CCR9: variants seen among roughly 807,000 people sequenced by gnomAD.
CCR9 encodes the protein C-C motif chemokine receptor 9.
In CCR9, 4 loss-of-function variants were observed where a neutral mutation model predicts 8.7. That is an observed-to-expected ratio of 0.46 (90% CI 0.23 to 1.06). The LOEUF is 1.06. Ranked by LOEUF, CCR9 falls within the 50% of genes least tolerant of loss-of-function variation. The pLI, the probability that CCR9 is intolerant of heterozygous loss-of-function variation, is 0.21. For missense variants in CCR9, 394 were observed against 453.6 expected (o/e 0.87, Z 1.19); for synonymous variants, 159 against 168.8 (o/e 0.94, Z 0.45).
At position 45,901,970 on chromosome 3, in the gene CCR9, G is replaced by C; in HGVS notation, c.*72G>C. On this transcript the variant is annotated 3_prime_UTR_variant, in exon 3 of 3. Coordinates refer to ENST00000357632, the MANE Select transcript of CCR9 (RefSeq NM_031200.3). This position sits in a 1 kb window ranked among gnomAD's most constrained non-coding sequence, Gnocchi z 4.3. ...ACAGAAACAGTTTCCCCACTGATGG[G>C]ACCAGAGAGAGTGAAAGAGAAAAGA... The C allele has an allele frequency of 1.6e-6, 2 of 1,236,202 alleles. No homozygotes were observed. The highest frequency in any genetic ancestry group is 2.0e-4 in the Middle Eastern group (1 of 4,946). 76.6% of individuals were successfully genotyped at this position (1,236,202 alleles called of 1,614,324 possible). A position where few individuals can be genotyped will look rare whatever the true frequency, so the allele number is the denominator to read the frequency against.
chr3:45,902,028 A>T lies in CCR9; in HGVS notation c.*130A>T. 1.3e-6 allele frequency: 1 copy of T among 785,434 alleles called. No homozygotes were observed. Among genetic ancestry groups the T allele is most frequent in the South Asian group, 2.1e-5 (1 of 47,360 alleles). The allele number at this position is 785,434 out of a possible 1,614,324, so 48.7% of individuals were successfully genotyped here. On this transcript the variant is annotated 3_prime_UTR_variant, in exon 3 of 3. Coordinates refer to ENST00000357632, the MANE Select transcript of CCR9 (RefSeq NM_031200.3). Reference sequence around the variant, plus strand: ...GAAAGGGATGAATCTGAACTATATGATTACTTGTAGTCAGAATTTGCCAAA... The same window carrying T: ...GAAAGGGATGAATCTGAACTATATGTTTACTTGTAGTCAGAATTTGCCAAA...
intron 2 of CCR9, among the ~76,000 whole-genome samples, chr3:45,899,920 T>A (rs1022309564): frequency 6.6e-6 from 1 of 152,104 alleles, no homozygotes; most frequent in Admixed American, 6.5e-5. Context: ...GTAAGAAGTG[T>A]GTGTGTGTAT....
chr3:45,888,259 G>T (rs763447753), intron 1 of CCR9, among the ~76,000 whole-genome samples: 2 of 152,132 alleles, frequency 1.3e-5, no homozygotes, highest in Non-Finnish European at 2.9e-5. Flanking sequence ...CTGGAGCAAT[G>T]TTCCCTCCCC....
At position 45,900,259 on chromosome 3, in the gene CCR9, G is replaced by GTGTGTA. The variant is rs562893191; in HGVS notation, c.22-540_22-535dup. 3.9e-4 allele frequency among the ~76,000 whole-genome samples: 60 copies of GTGTGTA among 152,300 alleles called. No homozygotes were observed. The highest frequency in any genetic ancestry group is 1.4e-3 in the African/African-American group (59 of 41,582). ...TGTATGTAGGGTTGAGAGTGTCTGT[G>GTGTGTA]TGTGTATGTGTATGTGCATGTGTAT... On this transcript the variant is annotated intron_variant, in intron 2 of 2. Coordinates refer to ENST00000357632, the MANE Select transcript of CCR9 (RefSeq NM_031200.3). This position sits in a 1 kb window ranked among gnomAD's most constrained non-coding sequence, Gnocchi z 4.7.
rs1702257123 is a variant in CCR9 at position 45,893,534 on chromosome 3, AG to A, written c.-28-1371del. Among the ~76,000 whole-genome samples the A allele has an allele frequency of 5.9e-5, 9 of 152,348 alleles. 1 individual carries two copies. The highest frequency in any genetic ancestry group is 5.9e-4 in the Admixed American group (9 of 15,302). On this transcript the variant is annotated intron_variant, in intron 1 of 2. Coordinates refer to ENST00000357632, the MANE Select transcript of CCR9 (RefSeq NM_031200.3). Reference sequence around the variant, plus strand: ...CAGTATAGATTAGTTTGCATTATTTAGAGTTTTATACAAGTGAAATCATACA... The same window carrying A: ...CAGTATAGATTAGTTTGCATTATTTAAGTTTTATACAAGTGAAATCATACA...
intron 2 of CCR9, among the ~76,000 whole-genome samples, chr3:45,898,778 A>G (rs1419724212): frequency 6.6e-6 from 1 of 152,262 alleles, no homozygotes; most frequent in East Asian, 1.9e-4. Context: ...AACAGGTTCT[A>G]TGTTCCAATA....
chr3:45,887,885 GA>G (rs1318998800), intron 1 of CCR9, among the ~76,000 whole-genome samples: 1 of 151,340 alleles, frequency 6.6e-6, no homozygotes, highest in Non-Finnish European at 1.5e-5. Flanking sequence ...GCAGAGCTAT[GA>G]AAAAATGTAA....
intron 2 of CCR9, 189 bp downstream of exon 2, chr3:45,895,143 G>C: frequency 1.6e-6 from 1 of 637,002 alleles, no homozygotes; most frequent in South Asian, 1.9e-5. Context: ...AATGCAAAGA[G>C]GCAGCTATGC....
intron 2 of CCR9, among the ~76,000 whole-genome samples, chr3:45,896,660 C>A (rs1483606468): frequency 6.6e-6 from 1 of 152,194 alleles, no homozygotes; most frequent in Non-Finnish European, 1.5e-5. Flanking sequence ...GGGTGAATGT[C>A]AAAGCACTGA....
chr3:45,888,096 G>A (rs569690710), intron 1 of CCR9, among the ~76,000 whole-genome samples: 2 of 152,294 alleles, frequency 1.3e-5, no homozygotes, highest in South Asian at 4.1e-4. Context: ...CAAAAATAGT[G>A]ATTGGATAAT....
chr3:45,899,041 C>T (rs1484533207), intron 2 of CCR9, among the ~76,000 whole-genome samples: 2 of 152,184 alleles, frequency 1.3e-5, no homozygotes, highest in African/African-American at 4.8e-5. Flanking sequence ...TGGCACACGC[C>T]TGTAATCCCA....
chr3:45,895,435 G>A (rs947555480), intron 2 of CCR9, among the ~76,000 whole-genome samples: 1 of 152,212 alleles, frequency 6.6e-6, no homozygotes, highest in Non-Finnish European at 1.5e-5. Context: ...GTCAGTCTGG[G>A]CGTGGTAGCT....
intron 1 of CCR9, among the ~76,000 whole-genome samples, chr3:45,892,096 G>C (rs1702196386): frequency 6.6e-6 from 1 of 152,084 alleles, no homozygotes; most frequent in South Asian, 2.1e-4. Flanking sequence ...CCAAGATCAG[G>C]GCACTAGGTG....
intron 2 of CCR9, chr3:45,897,497 G>A: frequency 9.6e-7 from 1 of 1,037,564 alleles, no homozygotes; most frequent in South Asian, 1.4e-5. Context: ...ACCGGGCAGT[G>A]GAGAAAGCTG....
In CCR9 at chr3:45,902,045, TTTGCCAAAG is replaced by T; in HGVS notation, c.*148_*156del. 1 of 727,886 alleles carries T rather than the reference TTTGCCAAAG, an allele frequency of 1.4e-6. No homozygotes were observed. The highest frequency in any genetic ancestry group is 2.2e-6 in the Non-Finnish European group (1 of 454,042). 45.1% of individuals were successfully genotyped at this position (727,886 alleles called of 1,614,324 possible). ...ACTATATGATTACTTGTAGTCAGAA[TTTGCCAAAG>T]CAAATATTTCAAAATCAACTGACTA... On this transcript the variant is annotated 3_prime_UTR_variant, in exon 3 of 3. Transcript: ENST00000357632.
Position 45,902,054 on chromosome 3 carries a change from G to A in CCR9, c.*156G>A. On this transcript the variant is annotated 3_prime_UTR_variant, in exon 3 of 3. Coordinates refer to ENST00000357632, the MANE Select transcript of CCR9 (RefSeq NM_031200.3). ...TTACTTGTAGTCAGAATTTGCCAAAGCAAATATTTCAAAATCAACTGACTA... is the reference window on the plus strand; with the variant it reads ...TTACTTGTAGTCAGAATTTGCCAAAACAAATATTTCAAAATCAACTGACTA... The A allele has an allele frequency of 1.5e-6, 1 of 684,052 alleles. No homozygotes were observed. The highest frequency in any genetic ancestry group is 2.4e-6 in the Non-Finnish European group (1 of 415,112). 42.4% of individuals were successfully genotyped at this position (684,052 alleles called of 1,614,324 possible). A position where few individuals can be genotyped will look rare whatever the true frequency, so the allele number is the denominator to read the frequency against.
rs564985155 is a variant in CCR9, at chr3:45,890,150, T to C, written c.-29+3495T>C. ...CTCACTATAACAAAGCCATTCTTTC[T>C]TCTTTTTGTGGTTTCTTTCTTTGGG... On this transcript the variant is annotated intron_variant, in intron 1 of 2. Transcript: ENST00000357632. Among the ~76,000 whole-genome samples the C allele has an allele frequency of 2.4e-4, 35 of 148,356 alleles. 1 individual carries two copies. The South Asian group carries it at 7.1e-3, about 30-fold the overall frequency.
Position 45,901,710 on chromosome 3 carries a change from T to C in CCR9, c.922T>C (p.Phe308Leu), listed in dbSNP as rs1355980339. The C allele has an allele frequency of 2.5e-6, 4 of 1,614,060 alleles. No individual in the cohort carries two copies. The highest frequency in any genetic ancestry group is 1.7e-5 in the Admixed American group (1 of 60,008). The change falls in exon 3 of 3, where the codon TTC (phenylalanine) becomes CTC (leucine). Residue 308 changes from phenylalanine (F) to leucine (L), a missense_variant. By Grantham distance (22) the Phe-to-Leu change is conservative. Coordinates refer to ENST00000357632, the MANE Select transcript of CCR9 (RefSeq NM_031200.3). This position sits in a 1 kb window ranked among gnomAD's most constrained non-coding sequence, Gnocchi z 4.3. Reference protein sequence around the residue: ...CFQVTQTIAFFHSCLNPVLYV... With the variant: ...CFQVTQTIAFLHSCLNPVLYV... ...CCAGGTCACCCAGACCATCGCCTTCTTCCACAGTTGCCTGAACCCTGTTCT... is the reference window on the plus strand; with the variant it reads ...CCAGGTCACCCAGACCATCGCCTTCCTCCACAGTTGCCTGAACCCTGTTCT...
At chr3:45,897,308 AT>A (rs1259899139) in intron 2 of CCR9, among the ~76,000 whole-genome samples, 1 of 152,142 alleles carries the variant, frequency 6.6e-6, no homozygotes, top group Non-Finnish European at 1.5e-5. Flanking sequence ...GGGGTGTAAA[AT>A]TCAATCACTT....
Sources: allele counts gnomAD v4.1 joint callset (sites outside exome capture counted in the v4.1 genomes callset), GRCh38; gene constraint gnomAD v4.1.1; non-coding constraint Gnocchi (gnomAD v3.1); transcripts MANE v1.5; gene names NCBI Gene and HGNC (gene_info 2026-07-23, HGNC 2026-07-21).